The following RBFOX3 variants were observed in gnomAD, a reference collection of about 807,000 sequenced individuals.
The protein encoded by RBFOX3 is RNA binding protein fox-1 homolog 3.
A neutral mutation model predicts 48.7 loss-of-function variants in RBFOX3; 17 were observed. That is an observed-to-expected ratio of 0.35 (90% CI 0.24 to 0.52). RBFOX3 has a LOEUF of 0.52. Among genes scored for constraint, RBFOX3 ranks in the 20% least tolerant of loss-of-function variants. The pLI, the probability that RBFOX3 is intolerant of heterozygous loss-of-function variation, is 0.94. For synonymous variants in RBFOX3, 212 were observed against 209.5 expected (o/e 1.01, Z -0.10); for missense variants, 382 against 497.5 (o/e 0.77, Z 2.21).
At chr17:79,425,907 A>G (rs1431322336) in intron 2 of RBFOX3, among the ~76,000 whole-genome samples, 1 of 152,180 alleles carries the variant, frequency 6.6e-6, no homozygotes, top group Non-Finnish European at 1.5e-5. Flanking sequence ...AGGGGCGGGC[A>G]CCAGGCCTGC....
At chr17:79,138,813 G>A (rs1170599744) in intron 4 of RBFOX3, among the ~76,000 whole-genome samples, 3 of 55,770 alleles carry the variant, frequency 5.4e-5, no homozygotes, top group Non-Finnish European at 6.8e-5. Context: ...ACACACATGC[G>A]TTCACACCCC....
intron 2 of RBFOX3, among the ~76,000 whole-genome samples, chr17:79,315,717 C>G (rs2077447387): frequency 6.6e-6 from 1 of 152,262 alleles, no homozygotes; most frequent in Admixed American, 6.5e-5. Flanking sequence ...TTAAAATAAG[C>G]CTGGCGTTTC....
At chr17:79,338,690 A>C (rs1413666254) in intron 2 of RBFOX3, among the ~76,000 whole-genome samples, 2 of 152,144 alleles carry the variant, frequency 1.3e-5, no homozygotes, top group Admixed American at 6.5e-5. Flanking sequence ...TCCTTTTTGG[A>C]ACTCGCATTG....
chr17:79,341,091 G>A (rs796816276), intron 2 of RBFOX3, among the ~76,000 whole-genome samples: 28 of 152,368 alleles, frequency 1.8e-4, no homozygotes, highest in African/African-American at 5.3e-4. Flanking sequence ...GAGTGTTTGC[G>A]GGTGTGTGTG....
intron 3 of RBFOX3, among the ~76,000 whole-genome samples, chr17:79,277,301 G>C (rs1285546615): frequency 6.8e-5 from 6 of 88,344 alleles, no homozygotes; most frequent in Non-Finnish European, 9.5e-5. Context: ...CCAATGGTGG[G>C]GAGGGGGGGG....
chr17:79,105,414 T>C (rs1267810015), intron 6 of RBFOX3, among the ~76,000 whole-genome samples: 1 of 152,150 alleles, frequency 6.6e-6, no homozygotes, highest in African/African-American at 2.4e-5. Context: ...GCAGGGGGCA[T>C]CCAGCCAGAG....
At chr17:79,228,419 G>A (rs1312553383) in intron 4 of RBFOX3, among the ~76,000 whole-genome samples, 1 of 152,030 alleles carries the variant, frequency 6.6e-6, no homozygotes, top group Non-Finnish European at 1.5e-5. Context: ...TAATACTCTG[G>A]GGAAAACACA....
intron 2 of RBFOX3, among the ~76,000 whole-genome samples, chr17:79,386,185 TG>T (rs1445026697): frequency 7.2e-6 from 1 of 138,344 alleles, no homozygotes; most frequent in African/African-American, 2.8e-5. Context: ...CTGTAACAGA[TG>T]GGGGTTCCAA....
chr17:79,443,442 C>T lies in RBFOX3; in HGVS notation c.-175+39012G>A, dbSNP rs1308260786. Among the ~76,000 whole-genome samples, 1 of 152,032 alleles carries T rather than the reference C, an allele frequency of 6.6e-6. No individual in the cohort carries two copies. Among genetic ancestry groups the T allele is most frequent in the Non-Finnish European group, 1.5e-5 (1 of 67,984 alleles). Reference sequence around the variant, plus strand: ...TGTCGCCCAGGCTGGAGTGCAGTGGCTCGATCTCGGCTCGCTGCAACCTCT... The same window carrying T: ...TGTCGCCCAGGCTGGAGTGCAGTGGTTCGATCTCGGCTCGCTGCAACCTCT... On this transcript the variant is annotated intron_variant, in intron 2 of 14. Transcript: ENST00000693108. This position sits in a 1 kb window ranked among gnomAD's most constrained non-coding sequence, Gnocchi z 4.4.
the RBFOX3 span, among the ~76,000 whole-genome samples, chr17:79,631,927 C>T: frequency 6.6e-6 from 1 of 152,192 alleles, no homozygotes; most frequent in African/African-American, 2.4e-5. Context: ...AAGGTTCTCC[C>T]TGCCCCCAGA....
At chr17:79,264,370 C>A (rs2066317973) in intron 3 of RBFOX3, among the ~76,000 whole-genome samples, 1 of 130,894 alleles carries the variant, frequency 7.6e-6, no homozygotes, top group Non-Finnish European at 1.6e-5. Context: ...GCCACCAAGC[C>A]TGGCTTTTTT....
At chr17:79,588,212 G>A (rs1230107792) in intron 1 of RBFOX3, among the ~76,000 whole-genome samples, 5 of 152,128 alleles carry the variant, frequency 3.3e-5, no homozygotes, top group African/African-American at 1.2e-4. Context: ...ATCCAGCTCT[G>A]GAGCTCACAG....
In RBFOX3 at chr17:79,115,694, CGGGGGGG is replaced by C; in HGVS notation, c.15_21del (p.Tyr5Ter). 1 of 147,660 alleles carries C rather than the reference CGGGGGGG, an allele frequency of 6.8e-6. No homozygotes were observed. Among genetic ancestry groups the C allele is most frequent in the Non-Finnish European group, 1.2e-5 (1 of 85,438 alleles). The allele number at this position is 147,660 out of a possible 1,614,324, so 9.1% of individuals were successfully genotyped here. The stretch of plus-strand genomic sequence containing the variant: ...TTCTGTGGCGGAGGGGGGTACTGGG[CGGGGGGG>C]TAGGGCTGGGCCATCGCTTCAGGCG... On this transcript the variant is annotated frameshift_variant, in exon 5 of 15. Transcript: ENST00000693108. LOFTEE classifies it high-confidence loss of function.
chr17:79,582,093 C>T, intron 1 of RBFOX3, among the ~76,000 whole-genome samples: 1 of 146,426 alleles, frequency 6.8e-6, no homozygotes, highest in African/African-American at 2.5e-5. Context: ...TGTATGCAAG[C>T]ACGTGCCTGC....
chr17:79,506,192 C>A lies in RBFOX3; in HGVS notation c.-319-23594G>T, dbSNP rs977366461. On this transcript the variant is annotated intron_variant, in intron 1 of 14. Coordinates refer to ENST00000693108, the MANE Select transcript of RBFOX3 (RefSeq NM_001350451.2). ...TCGCAAAGGGAATGCCCCCGGACAT[C>A]TCCACTTCTAGACTTTCCTCCATCA... 4.6e-5 allele frequency among the ~76,000 whole-genome samples: 7 copies of A among 152,360 alleles called. No individual in the cohort carries two copies. The East Asian group carries it at 1.4e-3, about 29-fold the overall frequency.
At chr17:79,279,468 T>G (rs1032644012) in intron 3 of RBFOX3, among the ~76,000 whole-genome samples, 7 of 152,166 alleles carry the variant, frequency 4.6e-5, no homozygotes, top group Non-Finnish European at 1.0e-4. Flanking sequence ...CGGCACAGCA[T>G]GGCCCGGCCC....
rs944153816 is a variant in RBFOX3 at position 79,195,363 on chromosome 17, C to T, written c.-34+40403G>A. ...GTTGCAGTGAGTTGACATTGCACCA[C>T]TGCACTCCAGCTTGGGTGACAGAGT... On this transcript the variant is annotated intron_variant, in intron 4 of 14. Transcript: ENST00000693108. This position sits in a 1 kb window ranked among gnomAD's most constrained non-coding sequence, Gnocchi z 5.3. 1.3e-5 allele frequency among the ~76,000 whole-genome samples: 2 copies of T among 151,910 alleles called. No homozygotes were observed. Among genetic ancestry groups the T allele is most frequent in the African/African-American group, 2.4e-5 (1 of 41,350 alleles).
intron 2 of RBFOX3, among the ~76,000 whole-genome samples, chr17:79,309,259 C>G (rs995555742): frequency 1.3e-5 from 2 of 152,142 alleles, no homozygotes; most frequent in Non-Finnish European, 2.9e-5. Context: ...GGAAGGCAGA[C>G]AGGGCAGGAA....
rs553470175 is a variant in RBFOX3, at chr17:79,550,202, G to A, written c.-320+60624C>T. 4.4e-4 allele frequency among the ~76,000 whole-genome samples: 67 copies of A among 152,294 alleles called. No individual in the cohort carries two copies. In the South Asian group the frequency reaches 0.014, roughly 32 times the overall value. ...AAGAGCACTGAGCCCAGGGAAACAA[G>A]AGGGCCCGAGGGCATCCCAGCTCCC... is the stretch of plus-strand genomic sequence containing the variant. On this transcript the variant is annotated intron_variant, in intron 1 of 14. Coordinates refer to ENST00000693108, the MANE Select transcript of RBFOX3 (RefSeq NM_001350451.2).
Sources: gnomAD v4.1 joint callset for allele counts (sites outside exome capture counted in the v4.1 genomes callset) on GRCh38, gnomAD v4.1.1 for gene constraint, Gnocchi (gnomAD v3.1) non-coding constraint, MANE v1.5 for transcripts, NCBI Gene and HGNC (gene_info 2026-07-23, HGNC 2026-07-21) for gene names.